Variants in JARID2 observed in about 807,000 individuals in gnomAD.
JARID2 encodes the protein jumonji and AT-rich interaction domain containing 2.
In JARID2, 21 loss-of-function variants were observed where a neutral mutation model predicts 125.6. The observed-to-expected ratio is 0.17, with a 90% confidence interval of 0.12 to 0.24. JARID2 has a LOEUF of 0.24. Ranked by LOEUF, JARID2 falls within the 10% of genes least tolerant of loss-of-function variation. The probability of loss-of-function intolerance (pLI) is 1.00; values close to 1 mark genes in which losing one functional copy is unlikely to be tolerated. For missense variants in JARID2, 1,303 were observed against 1,639.6 expected, an observed-to-expected ratio of 0.79 and a Z score of 3.55; for synonymous variants, 736 against 661.6, an observed-to-expected ratio of 1.11 and a Z score of -1.73.
chr6:15,269,796 T>G (rs1760228075), intron 1 of JARID2, among the ~76,000 whole-genome samples: 1 of 152,118 alleles, frequency 6.6e-6, no homozygotes, highest in African/African-American at 2.4e-5. Context: ...ACTGGCTATA[T>G]AGACCACAGA....
chr6:15,439,250 T>C (rs1272555664), intron 3 of JARID2, among the ~76,000 whole-genome samples: 1 of 152,198 alleles, frequency 6.6e-6, no homozygotes, highest in African/African-American at 2.4e-5. Context: ...TGAAAAATCT[T>C]ATCATTGGCT....
rs1561803477 is a variant in JARID2, at chr6:15,342,773, G to A, written c.46-31344G>A. 2.6e-5 allele frequency among the ~76,000 whole-genome samples: 4 copies of A among 152,068 alleles called. No individual in the cohort carries two copies. In the South Asian group the frequency reaches 8.3e-4, roughly 32 times the overall value. On this transcript the variant is annotated intron_variant, in intron 1 of 17. Transcript: ENST00000341776. ...TCTTCTTCAAAGTGAACATTATTAT[G>A]CATCTTGACCTTTTCCCACCTCGTT...
At chr6:15,292,742 A>G (rs1761274031) in intron 1 of JARID2, among the ~76,000 whole-genome samples, 4 of 152,330 alleles carry the variant, frequency 2.6e-5, no homozygotes, top group Admixed American at 2.6e-4. Context: ...ATCTTGGCTC[A>G]CTGCAACCTT....
intron 4 of JARID2, among the ~76,000 whole-genome samples, chr6:15,456,792 G>A (rs1231891016): frequency 6.7e-6 from 1 of 148,362 alleles, no homozygotes; most frequent in African/African-American, 2.5e-5. Flanking sequence ...ATTTCAGTGT[G>A]TACAAAGGTT....
At chr6:15,449,786 G>A (rs1767834974) in intron 3 of JARID2, among the ~76,000 whole-genome samples, 2 of 152,080 alleles carry the variant, frequency 1.3e-5, no homozygotes, top group Non-Finnish European at 2.9e-5. Flanking sequence ...CCGTTTTGGT[G>A]GATTGTCAGT....
intron 5 of JARID2, among the ~76,000 whole-genome samples, chr6:15,482,693 A>G (rs998585232): frequency 2.6e-5 from 4 of 152,122 alleles, no homozygotes; most frequent in African/African-American, 9.7e-5. Flanking sequence ...TACATGGGAA[A>G]CGGTCTTTGT....
At chr6:15,290,775 C>T (rs1025327679) in intron 1 of JARID2, among the ~76,000 whole-genome samples, 2 of 152,144 alleles carry the variant, frequency 1.3e-5, no homozygotes, top group Non-Finnish European at 1.5e-5. Flanking sequence ...CCCACCGCCA[C>T]GCCCAGTTAA....
At chr6:15,327,577 G>A (rs1350999816) in intron 1 of JARID2, among the ~76,000 whole-genome samples, 4 of 152,022 alleles carry the variant, frequency 2.6e-5, no homozygotes, top group Non-Finnish European at 5.9e-5. Context: ...GTGCATGTGC[G>A]TGCATCCCCG....
At chr6:15,251,256 T>A (rs1368063814) in intron 1 of JARID2, among the ~76,000 whole-genome samples, 1 of 152,238 alleles carries the variant, frequency 6.6e-6, no homozygotes, top group East Asian at 1.9e-4. Flanking sequence ...CCTCAGGTGA[T>A]CTGCCCGCCT....
chr6:15,405,833 T>A (rs139881102), intron 2 of JARID2, among the ~76,000 whole-genome samples: 2,234 of 152,316 alleles, frequency 0.015, 25 homozygotes, highest in Middle Eastern at 0.075. Flanking sequence ...AATGTTATAA[T>A]AATGGCTCTG....
At chr6:15,476,699 A>G (rs952299095) in intron 5 of JARID2, among the ~76,000 whole-genome samples, 3 of 152,374 alleles carry the variant, frequency 2.0e-5, no homozygotes, top group Non-Finnish European at 4.4e-5. Context: ...TCAATAGCAC[A>G]TCAGAGTTTC....
At chr6:15,295,019 G>A (rs1210049913) in intron 1 of JARID2, among the ~76,000 whole-genome samples, 3 of 151,808 alleles carry the variant, frequency 2.0e-5, no homozygotes, top group East Asian at 1.9e-4. Flanking sequence ...ACCTGAGAGC[G>A]ATTAGAAACT....
At chr6:15,336,803 C>T (rs1449831197) in intron 1 of JARID2, among the ~76,000 whole-genome samples, 1 of 152,094 alleles carries the variant, frequency 6.6e-6, no homozygotes, top group Admixed American at 6.6e-5. Flanking sequence ...CCACCTTGGC[C>T]TCCCAAGGTG....
intron 1 of JARID2, among the ~76,000 whole-genome samples, chr6:15,362,489 G>A (rs1763833286): frequency 6.6e-6 from 1 of 152,186 alleles, no homozygotes; most frequent in Non-Finnish European, 1.5e-5. Context: ...GTAAACACTG[G>A]CATTTGTTTG....
At chr6:15,249,389 G>A (rs561515871) in intron 1 of JARID2, among the ~76,000 whole-genome samples, 4 of 152,072 alleles carry the variant, frequency 2.6e-5, no homozygotes, top group Non-Finnish European at 5.9e-5. Context: ...TTATTTTGGG[G>A]GGCTGGACCA....
intron 2 of JARID2, 66 bp downstream of exon 2, chr6:15,374,318 AT>A: frequency 1.9e-6 from 3 of 1,541,700 alleles, no homozygotes; most frequent in South Asian, 2.3e-5. Flanking sequence ...TTGTTCCTGA[AT>A]TGGATGTATT....
chr6:15,254,892 G>C (rs182705114), intron 1 of JARID2, among the ~76,000 whole-genome samples: 1 of 151,722 alleles, frequency 6.6e-6, no homozygotes, highest in African/African-American at 2.4e-5. Flanking sequence ...ATGCAAAAAA[G>C]TTAGCCAGGC....
intron 1 of JARID2, among the ~76,000 whole-genome samples, chr6:15,270,951 A>AG (rs1274254766): frequency 4.0e-5 from 6 of 151,526 alleles, no homozygotes; most frequent in Non-Finnish European, 8.8e-5. Flanking sequence ...AAAAAAAAAA[A>AG]GGAGAGAAAA....
Position 15,496,515 on chromosome 6 carries a change from C to G in JARID2, c.1290C>G (p.Gly430=), listed in dbSNP as rs963703713. 6.2e-7 allele frequency: 1 copy of G among 1,605,562 alleles called. No homozygotes were observed. The highest frequency in any genetic ancestry group is 8.5e-7 in the Non-Finnish European group (1 of 1,176,406). Residue 430 remains glycine (G), a synonymous_variant, in exon 7 of 18, where the codon GGC becomes GGG. Coordinates refer to ENST00000341776, the MANE Select transcript of JARID2 (RefSeq NM_004973.4). ...KEVGGRQLRE[G]LQLREGLRNS... ...TGGGGGGGCGGCAGCTGCGGGAGGG[C>G]CTGCAGCTGCGGGAGGGGCTGCGGA...
Sources: gnomAD v4.1 joint callset for allele counts (sites outside exome capture counted in the v4.1 genomes callset) on GRCh38, gnomAD v4.1.1 for gene constraint, MANE v1.5 for transcripts, NCBI Gene and HGNC (gene_info 2026-07-23, HGNC 2026-07-21) for gene names.